Variants in PLXNA2 observed in about 807,000 individuals in gnomAD.
PLXNA2 encodes the protein plexin A2.
In PLXNA2, 91 loss-of-function variants were observed where a neutral mutation model predicts 193.5. The observed-to-expected ratio is 0.47, with a 90% confidence interval of 0.40 to 0.56. The LOEUF is 0.56. PLXNA2 is among the 20% of genes least tolerant of loss of function. PLXNA2 has a pLI of 0.00. For missense variants in PLXNA2, 1,995 were observed against 2,503.2 expected, an observed-to-expected ratio of 0.80 and a Z score of 4.33; for synonymous variants, 997 against 1,027.3, an observed-to-expected ratio of 0.97 and a Z score of 0.56.
At chr1:208,188,890 G>A (rs1210072717) in intron 3 of PLXNA2, among the ~76,000 whole-genome samples, 1 of 152,138 alleles carries the variant, frequency 6.6e-6, no homozygotes, top group Non-Finnish European at 1.5e-5. Flanking sequence ...GGTTGTGGAA[G>A]CTCCTCTTCT....
At chr1:208,160,158 T>C (rs1315926381) in intron 3 of PLXNA2, among the ~76,000 whole-genome samples, 2 of 152,226 alleles carry the variant, frequency 1.3e-5, no homozygotes, top group Non-Finnish European at 2.9e-5. Flanking sequence ...CTCCTTCTGC[T>C]ACCAGAGATA....
At chr1:208,223,284 A>G (rs1671403536) in intron 1 of PLXNA2, among the ~76,000 whole-genome samples, 1 of 151,808 alleles carries the variant, frequency 6.6e-6, no homozygotes, top group Non-Finnish European at 1.5e-5. Flanking sequence ...AAGGAAACAA[A>G]TTGACCAGGG....
intron 3 of PLXNA2, among the ~76,000 whole-genome samples, chr1:208,204,452 C>A (rs757084158): frequency 6.6e-6 from 1 of 152,154 alleles, no homozygotes; most frequent in African/African-American, 2.4e-5. Context: ...AACCAGAAAA[C>A]AAACTCCTTT....
At chr1:208,212,725 G>A (rs943655595) in intron 2 of PLXNA2, among the ~76,000 whole-genome samples, 4 of 152,152 alleles carry the variant, frequency 2.6e-5, no homozygotes, top group Admixed American at 1.3e-4. Flanking sequence ...AGCCAACCAC[G>A]GGAATTCTAG....
At chr1:208,046,537 T>C (rs2102326897) in intron 17 of PLXNA2, among the ~76,000 whole-genome samples, 1 of 152,052 alleles carries the variant, frequency 6.6e-6, no homozygotes, top group African/African-American at 2.4e-5. Context: ...CCAGCTACTC[T>C]AGGAGTGTCT....
chr1:208,166,602 A>G (rs1441369558), intron 3 of PLXNA2, among the ~76,000 whole-genome samples: 2 of 152,242 alleles, frequency 1.3e-5, no homozygotes, highest in Non-Finnish European at 2.9e-5. Context: ...AGCAGTTTGG[A>G]AAATGCCTCT....
At chr1:208,136,018 G>A (rs752030249) in intron 4 of PLXNA2, among the ~76,000 whole-genome samples, 6 of 152,184 alleles carry the variant, frequency 3.9e-5, no homozygotes, top group Non-Finnish European at 7.4e-5. Context: ...GCCGCCTGCT[G>A]TCAGGAAGCC....
At chr1:208,078,926 G>A (rs1366679324) in intron 12 of PLXNA2, among the ~76,000 whole-genome samples, 1 of 152,118 alleles carries the variant, frequency 6.6e-6, no homozygotes, top group Non-Finnish European at 1.5e-5. Flanking sequence ...TTTCTGAAAT[G>A]TTCACCCACC....
intron 4 of PLXNA2, among the ~76,000 whole-genome samples, chr1:208,138,651 G>T (rs1006209650): frequency 6.6e-6 from 1 of 152,200 alleles, no homozygotes; most frequent in Non-Finnish European, 1.5e-5. Flanking sequence ...TTGGGAGGCC[G>T]AGGTGGACGG....
chr1:208,147,455 T>C (rs1255714390), intron 3 of PLXNA2, among the ~76,000 whole-genome samples: 1 of 146,294 alleles, frequency 6.8e-6, no homozygotes, highest in Non-Finnish European at 1.5e-5. Flanking sequence ...CTTTTTTTCA[T>C]GGTTAAATGT....
chr1:208,029,465 C>T, intron 29 of PLXNA2: 1 of 1,013,068 alleles, frequency 9.9e-7, no homozygotes, highest in Non-Finnish European at 1.2e-6. Context: ...CCAGGAGCCC[C>T]AGGCTCAGCC....
At chr1:208,210,528 C>G (rs1008178828) in intron 2 of PLXNA2, 66 bp from the exon 3 acceptor site, 10 of 1,401,756 alleles carry the variant, frequency 7.1e-6, no homozygotes, top group Non-Finnish European at 8.7e-6. Flanking sequence ...CTACACGACC[C>G]ATATCCACAA....
chr1:208,166,067 TC>T (rs1024245361), intron 3 of PLXNA2, among the ~76,000 whole-genome samples: 1 of 152,050 alleles, frequency 6.6e-6, no homozygotes, highest in African/African-American at 2.4e-5. Flanking sequence ...AACCCCTCCT[TC>T]CCCACCACCC....
At chr1:208,197,921 A>G (rs191431576) in intron 3 of PLXNA2, among the ~76,000 whole-genome samples, 104 of 152,256 alleles carry the variant, frequency 6.8e-4, no homozygotes, top group African/African-American at 2.4e-3. Flanking sequence ...AAAAGGCCCA[A>G]TACAAATATA....
At chr1:208,053,476 TGA>T (rs766055840) in intron 14 of PLXNA2, among the ~76,000 whole-genome samples, 1 of 152,162 alleles carries the variant, frequency 6.6e-6, no homozygotes, top group Non-Finnish European at 1.5e-5. Context: ...CTGTCCAGTC[TGA>T]GAGAGGAGAG....
chr1:208,028,909 G>A lies in PLXNA2; in HGVS notation c.5359C>T (p.His1787Tyr). 6.2e-7 allele frequency: 1 copy of A among 1,614,170 alleles called. No homozygotes were observed. The highest frequency in any genetic ancestry group is 8.5e-7 in the Non-Finnish European group (1 of 1,180,034). The change falls in exon 30 of 32, where the codon CAC (histidine) becomes TAC (tyrosine). Residue 1787 changes from histidine (H) to tyrosine (Y), a missense_variant. By Grantham distance (83) the His-to-Tyr change is moderately conservative. Around this residue, in one of 3 missense-constraint regions of PLXNA2, gnomAD observed 1,291 missense variants for 1,673.6 expected, o/e 0.77. Coordinates refer to ENST00000367033, the MANE Select transcript of PLXNA2 (RefSeq NM_025179.4). This position sits in a 1 kb window ranked among gnomAD's most constrained non-coding sequence, Gnocchi z 4.2. ...GAGGGGGAGTCCTTGCCCAGCCGGT[G>A]CTCTGACGTTGAACAAGAGTCCATG... ...TFMDSCSTSE[H>Y]RLGKDSPSNK...
intron 4 of PLXNA2, among the ~76,000 whole-genome samples, chr1:208,137,048 G>C (rs1668322744): frequency 6.6e-6 from 1 of 152,150 alleles, no homozygotes; most frequent in African/African-American, 2.4e-5. Flanking sequence ...AGTGTCTATG[G>C]AATGGAGGTT....
chr1:208,162,881 C>A (rs116210764), intron 3 of PLXNA2, among the ~76,000 whole-genome samples: 1,687 of 152,300 alleles, frequency 0.011, 40 homozygotes, highest in African/African-American at 0.037. Context: ...CACACTGCCT[C>A]TAACAAAGAA....
chr1:208,217,181 C>G lies in PLXNA2; in HGVS notation c.742G>C (p.Ala248Pro). The change falls in exon 2 of 32, where the codon GCT becomes CCT. Residue 248 changes from alanine (A) to proline (P), a missense_variant. Transcript: ENST00000367033. This position sits in a 1 kb window ranked among gnomAD's most constrained non-coding sequence, Gnocchi z 4.7. ...HFDIFYIYGF[A>P]SGGFVYFLTV... is the part of the protein sequence containing the mutation. ...AGAAAGTAGACAAAGCCCCCACTAG[C>G]AAAGCCGTAGATGTAGAAGATGTCA... 1 of 1,614,172 alleles carries G rather than the reference C, an allele frequency of 6.2e-7. No individual in the cohort carries two copies. The highest frequency in any genetic ancestry group is 8.5e-7 in the Non-Finnish European group (1 of 1,180,036).
Sources: gnomAD v4.1 joint callset for allele counts (sites outside exome capture counted in the v4.1 genomes callset) on GRCh38, gnomAD v4.1.1 for gene constraint, gnomAD v4.1.1 regional missense constraint, Gnocchi (gnomAD v3.1) non-coding constraint, MANE v1.5 for transcripts, NCBI Gene and HGNC (gene_info 2026-07-23, HGNC 2026-07-21) for gene names.